Variants in SPAG1 observed in about 807,000 individuals in gnomAD.
The protein encoded by SPAG1 is sperm associated antigen 1.
A neutral mutation model predicts 100.5 loss-of-function variants in SPAG1; 69 were observed. The observed-to-expected ratio is 0.69, with a 90% CI of 0.57 to 0.84. SPAG1 has a LOEUF of 0.84. Ranked by LOEUF, SPAG1 falls within the 40% of genes least tolerant of loss-of-function variation. SPAG1 has a pLI of 0.00. For missense variants in SPAG1, 955 were observed against 1,133.1 expected, an observed-to-expected ratio of 0.84 and a Z score of 2.26; for synonymous variants, 336 against 411.6, an observed-to-expected ratio of 0.82 and a Z score of 2.22.
At chr8:100,217,491 T>TCTCTAAG (rs1325583688) in intron 12 of SPAG1, among the ~76,000 whole-genome samples, 1 of 151,896 alleles carries the variant, frequency 6.6e-6, no homozygotes, top group Admixed American at 6.6e-5. Flanking sequence ...ATCTTGAAGG[T>TCTCTAAG]CTCTAAGCCT....
chr8:100,187,105 C>T lies in SPAG1; in HGVS notation c.702-15C>T. ...CCTTAGGCTTGCTTGTTGCCAGTAA[C>T]TGTTTCTTTTCTAGGAGCATATCAG... is the stretch of plus-strand genomic sequence containing the variant. On this transcript the variant is annotated splice_polypyrimidine_tract_variant and intron_variant, in intron 7 of 18. Transcript: ENST00000388798. 1 of 1,596,030 alleles carries T rather than the reference C, an allele frequency of 6.3e-7. No homozygotes were observed. The highest frequency in any genetic ancestry group is 8.5e-7 in the Non-Finnish European group (1 of 1,172,738).
chr8:100,177,211 G>A (rs1816169570), intron 3 of SPAG1, among the ~76,000 whole-genome samples: 1 of 152,158 alleles, frequency 6.6e-6, no homozygotes, highest in Non-Finnish European at 1.5e-5. Flanking sequence ...TGTGAGAACT[G>A]TGAGAGATCA....
intron 2 of SPAG1, chr8:100,165,610 T>C (rs1156638449): frequency 6.0e-6 from 3 of 502,352 alleles, no homozygotes; most frequent in Non-Finnish European, 7.0e-6. Flanking sequence ...TTGGTTACTT[T>C]GGAGTTCCTT....
rs775054966 is a variant in SPAG1 at position 100,163,599 on chromosome 8, A to G, written c.140+1179A>G. On this transcript the variant is annotated intron_variant, in intron 2 of 18. Coordinates refer to ENST00000388798, the MANE Select transcript of SPAG1 (RefSeq NM_003114.5). ...TGGAGCATGAACTGCTTTCCAGGAC[A>G]TCTAGAATTCCTATTACCCTGTGGT... Among the ~76,000 whole-genome samples the G allele has an allele frequency of 1.2e-4, 19 of 152,120 alleles. 1 individual carries two copies. The highest frequency in any genetic ancestry group is 4.1e-4 in the South Asian group (2 of 4,832).
At chr8:100,159,403 T>A (rs933781579) in intron 1 of SPAG1, among the ~76,000 whole-genome samples, 2 of 152,200 alleles carry the variant, frequency 1.3e-5, no homozygotes. Flanking sequence ...CTATATCATA[T>A]ACCTAAGTCA....
intron 10 of SPAG1, among the ~76,000 whole-genome samples, chr8:100,202,986 G>T (rs1459476741): frequency 6.6e-6 from 1 of 152,188 alleles, no homozygotes; most frequent in Non-Finnish European, 1.5e-5. Flanking sequence ...TGGCGTTTGT[G>T]CTGGTTAATA....
chr8:100,161,909 G>A (rs996077222), intron 1 of SPAG1, among the ~76,000 whole-genome samples: 1 of 152,220 alleles, frequency 6.6e-6, no homozygotes, highest in African/African-American at 2.4e-5. Flanking sequence ...GAGTTGGTCT[G>A]GTGATAATTT....
At position 100,226,489 on chromosome 8, in the gene SPAG1, G is replaced by T. The variant is rs1278576718; in HGVS notation, c.1855+1150G>T. On this transcript the variant is annotated intron_variant, in intron 14 of 18. Transcript: ENST00000388798. Reference sequence around the variant, plus strand: ...TTTGGGAGGCAAGTGGATCACTTGAGCCCAGGAGTTCAAGACCAGCCGGGG... The same window carrying T: ...TTTGGGAGGCAAGTGGATCACTTGATCCCAGGAGTTCAAGACCAGCCGGGG... Among the ~76,000 whole-genome samples the T allele has an allele frequency of 2.6e-4, 40 of 152,124 alleles. 1 individual carries two copies. Among genetic ancestry groups the T allele is most frequent in the Admixed American group, 2.6e-3 (39 of 15,274 alleles).
chr8:100,178,625 T>G (rs749821321), intron 4 of SPAG1, among the ~76,000 whole-genome samples: 5 of 152,226 alleles, frequency 3.3e-5, no homozygotes, highest in Non-Finnish European at 5.9e-5. Context: ...ATTCTTGTTA[T>G]TCTCGTCTTT....
chr8:100,178,458 C>T lies in SPAG1; in HGVS notation c.426+517C>T, dbSNP rs191843772. ...GTTGGTCCCTATTTTGTCACATAGA[C>T]CTCTCCTTTTTAATCTGTGGGCTCC... On this transcript the variant is annotated intron_variant, in intron 4 of 18. Transcript: ENST00000388798. Among the ~76,000 whole-genome samples the T allele has an allele frequency of 5.1e-3, 779 of 151,904 alleles. 9 individuals are homozygous for T. Among genetic ancestry groups the T allele is most frequent in the African/African-American group, 0.018 (729 of 41,372 alleles).
chr8:100,172,264 CCACCAGATA>C (rs925342857), intron 3 of SPAG1, among the ~76,000 whole-genome samples: 1 of 152,082 alleles, frequency 6.6e-6, no homozygotes, highest in African/African-American at 2.4e-5. Context: ...GGTTTTCTCT[CCACCAGATA>C]CATATTTACT....
intron 8 of SPAG1, 149 bp from the exon 9 acceptor site, chr8:100,191,241 G>A (rs1279857731): frequency 8.3e-5 from 48 of 581,458 alleles, no homozygotes; most frequent in Non-Finnish European, 1.2e-4. Flanking sequence ...TCTCCTATGT[G>A]TGTATCAACA....
intron 8 of SPAG1, 22 bp downstream of exon 8, chr8:100,187,272 T>C (rs767897963): frequency 6.3e-7 from 1 of 1,581,120 alleles, no homozygotes. Flanking sequence ...TATAGAATTC[T>C]TTTACATTTA....
At chr8:100,211,019 G>A (rs183937952) in intron 10 of SPAG1, among the ~76,000 whole-genome samples, 193 of 151,978 alleles carry the variant, frequency 1.3e-3, no homozygotes, top group African/African-American at 4.3e-3. Context: ...AGTAGAGACA[G>A]GGTTCACCAT....
Position 100,239,404 on chromosome 8 carries a change from G to C in SPAG1, c.2280G>C (p.Glu760Asp). Residue 760 changes from glutamate (E) to aspartate (D), a missense_variant and splice_region_variant, in exon 17 of 19, where the codon GAG becomes GAC. Physicochemically the swap from Glu to Asp is conservative, Grantham distance 45. Coordinates refer to ENST00000388798, the MANE Select transcript of SPAG1 (RefSeq NM_003114.5). The surrounding 1 kb of genome is among the most constrained non-coding windows in gnomAD (Gnocchi z 5.0). ...EKERRKIEIQEVNEGKEEPGR... is the reference protein window; with the variant it reads ...EKERRKIEIQDVNEGKEEPGR... ...AGAGAAGGAAAATTGAGATTCAAGA[G>C]GTATTTGTATTTGATTATCTTTGAA... 1 of 1,582,984 alleles carries C rather than the reference G, an allele frequency of 6.3e-7. No individual in the cohort carries two copies. Among genetic ancestry groups the C allele is most frequent in the Non-Finnish European group, 8.7e-7 (1 of 1,151,978 alleles).
intron 3 of SPAG1, among the ~76,000 whole-genome samples, chr8:100,175,451 A>AT (rs1439886287): frequency 2.0e-5 from 3 of 151,222 alleles, no homozygotes; most frequent in Admixed American, 6.6e-5. Context: ...TGCCTGACTA[A>AT]TTTTTTTTGT....
intron 10 of SPAG1, among the ~76,000 whole-genome samples, chr8:100,204,199 T>C (rs1817407031): frequency 6.6e-6 from 1 of 151,958 alleles, no homozygotes. Flanking sequence ...ATAATGTTGA[T>C]TCTCCTCAGA....
intron 10 of SPAG1, among the ~76,000 whole-genome samples, chr8:100,195,547 G>C (rs1816999234): frequency 6.6e-6 from 1 of 152,112 alleles, no homozygotes; most frequent in Admixed American, 6.6e-5. Context: ...GATTGAAAAG[G>C]GAGAAATTAA....
chr8:100,219,558 G>A (rs1179056747), intron 12 of SPAG1, among the ~76,000 whole-genome samples: 4 of 152,150 alleles, frequency 2.6e-5, no homozygotes, highest in Admixed American at 2.6e-4. Flanking sequence ...GGATTATTGG[G>A]ACATAACCAT....
Sources: gnomAD v4.1 joint callset for allele counts (sites outside exome capture counted in the v4.1 genomes callset) on GRCh38, gnomAD v4.1.1 for gene constraint, Gnocchi (gnomAD v3.1) non-coding constraint, MANE v1.5 for transcripts, NCBI Gene and HGNC (gene_info 2026-07-23, HGNC 2026-07-21) for gene names.